GP2: variants seen among roughly 807,000 people sequenced by gnomAD.
The protein encoded by GP2 is pancreatic secretory granule membrane major glycoprotein GP2.
Under a neutral mutation model 60.8 loss-of-function variants are expected in GP2, and 58 were observed. The ratio of observed to expected loss-of-function variants is 0.95; its 90% confidence interval spans 0.77 to 1.19. The LOEUF (loss-of-function observed/expected upper bound fraction) is 1.19. Among genes scored for constraint, GP2 ranks in the 50% most tolerant of loss-of-function variants. GP2 has a pLI of 0.00. For synonymous variants in GP2, 280 were observed against 253.4 expected, an observed-to-expected ratio of 1.10 and a Z score of -1.00; for missense variants, 647 against 667.4, an observed-to-expected ratio of 0.97 and a Z score of 0.34.
Position 20,311,081 on chromosome 16 carries a change from T to G in GP2, c.*142A>C, listed in dbSNP as rs1963980722. On this transcript the variant is annotated 3_prime_UTR_variant, in exon 11 of 11. Coordinates refer to ENST00000302555, the MANE Select transcript of GP2 (RefSeq NM_001502.4). ...CGAGAGTTTTAAAGAAGGTGAAAGC[T>G]CTTCCCTTTTCCTAACCTAGCTTGG... is the stretch of plus-strand genomic sequence containing the variant. 3.3e-6 allele frequency: 2 copies of G among 597,510 alleles called. No homozygotes were observed. Among genetic ancestry groups the G allele is most frequent in the Non-Finnish European group, 6.1e-6 (2 of 326,080 alleles). The allele number at this position is 597,510 out of a possible 1,614,324, so 37.0% of individuals were successfully genotyped here. A position where few individuals can be genotyped will look rare whatever the true frequency, so the allele number is the denominator to read the frequency against.
chr16:20,322,845 T>A, intron 4 of GP2, 24 bp downstream of exon 4: 1 of 1,275,740 alleles, frequency 7.8e-7, no homozygotes, highest in Non-Finnish European at 1.1e-6. Context: ...AGGATGGTAG[T>A]TACTTGCCCA....
chr16:20,324,211 T>A lies in GP2; in HGVS notation c.140A>T (p.Asp47Val). Reference protein sequence around the residue: ...IEASSYGLDLDCGAPGTPEAH... With the variant: ...IEASSYGLDLVCGAPGTPEAH... Reference sequence around the variant, plus strand: ...CTCTGGGGTGCCAGGAGCTCCGCAGTCCAGGTCCAGCCCATACGAACTGGC... The same window carrying A: ...CTCTGGGGTGCCAGGAGCTCCGCAGACCAGGTCCAGCCCATACGAACTGGC... Residue 47 changes from aspartate to valine, a missense_variant, in exon 3 of 11, where the codon GAC becomes GTC. Asp to Val is a radical substitution (Grantham distance 152, BLOSUM62 -3). Transcript: ENST00000302555. The A allele has an allele frequency of 1.2e-6, 2 of 1,613,358 alleles. No individual in the cohort carries two copies. The highest frequency in any genetic ancestry group is 2.2e-5 in the South Asian group (2 of 91,054).
In GP2 at chr16:20,323,990, G is replaced by T. The variant is rs1964453400; in HGVS notation, c.361C>A (p.Leu121Met). 6.2e-7 allele frequency: 1 copy of T among 1,614,072 alleles called. No homozygotes were observed. Among genetic ancestry groups the T allele is most frequent in the Admixed American group, 1.7e-5 (1 of 60,012 alleles). ...HRCQTDAPMW[L>M]NGTHPALGDG... The stretch of plus-strand genomic sequence containing the variant: ...CCAAGGGCAGGGTGGGTCCCATTCA[G>T]CCACATGGGAGCGTCTGTCTGGCAT... The change falls in exon 3 of 11, where the codon CTG becomes ATG. Residue 121 changes from leucine (L) to methionine (M), a missense_variant. Physicochemically the swap from Leu to Met is conservative, Grantham distance 15 (BLOSUM62 2). Coordinates refer to ENST00000302555, the MANE Select transcript of GP2 (RefSeq NM_001502.4).
chr16:20,319,865 C>A (rs1272589511), intron 5 of GP2, 97 bp from the exon 6 acceptor site: 12 of 948,300 alleles, frequency 1.3e-5, no homozygotes, highest in East Asian at 2.4e-5. Flanking sequence ...ATTTGCTTAA[C>A]CATGCAGCCA....
intron 3 of GP2, 22 bp from the exon 4 acceptor site, chr16:20,323,001 GAGA>G (rs779117480): frequency 6.5e-6 from 9 of 1,383,124 alleles, no homozygotes; most frequent in Middle Eastern, 1.8e-4. Context: ...GGCATGGAGA[GAGA>G]AGATCAGGAT....
At chr16:20,324,661 C>T (rs867368699) in intron 2 of GP2, among the ~76,000 whole-genome samples, 3 of 152,250 alleles carry the variant, frequency 2.0e-5, no homozygotes, top group African/African-American at 7.2e-5. Context: ...AAGCCCATCT[C>T]ATCCCCAGAA....
rs374812278 is a variant in GP2 at position 20,310,055 on chromosome 16, T to C, written c.*1168A>G. 5.9e-5 allele frequency: 9 copies of C among 152,324 alleles called. No individual in the cohort carries two copies. The highest frequency in any genetic ancestry group is 1.7e-4 in the African/African-American group (7 of 41,554). 9.4% of individuals were successfully genotyped at this position (152,324 alleles called of 1,614,324 possible). ...GTCAGCATCTATATGCCCGTGAGTATTAATGCCTGTGTATGTGTGATGCCC... is the reference window on the plus strand; with the variant it reads ...GTCAGCATCTATATGCCCGTGAGTACTAATGCCTGTGTATGTGTGATGCCC... On this transcript the variant is annotated 3_prime_UTR_variant, in exon 11 of 11. Coordinates refer to ENST00000302555, the MANE Select transcript of GP2 (RefSeq NM_001502.4).
intron 10 of GP2, 125 bp downstream of exon 10, chr16:20,314,532 G>A (rs1964097287): frequency 1.3e-6 from 1 of 762,946 alleles, no homozygotes; most frequent in African/African-American, 1.7e-5. Context: ...GCATCTCAAA[G>A]GCCAATCTTA....
At chr16:20,313,034 T>G (rs1443047591) in intron 10 of GP2, among the ~76,000 whole-genome samples, 1 of 152,150 alleles carries the variant, frequency 6.6e-6, no homozygotes, top group Non-Finnish European at 1.5e-5. Flanking sequence ...GCACGGAACA[T>G]AGAGAGTCCA....
At chr16:20,313,481 T>C (rs1185972384) in intron 10 of GP2, among the ~76,000 whole-genome samples, 1 of 152,210 alleles carries the variant, frequency 6.6e-6, no homozygotes, top group Non-Finnish European at 1.5e-5. Flanking sequence ...GTCTCACTTG[T>C]GCAATGAATT....
intron 1 of GP2, 97 bp downstream of exon 1, chr16:20,327,370 C>T: frequency 2.2e-6 from 2 of 900,386 alleles, no homozygotes; most frequent in East Asian, 6.2e-5. Context: ...TTGCTGGGTT[C>T]TAAAAATTTC....
chr16:20,315,864 G>T, intron 9 of GP2, 92 bp downstream of exon 9: 1 of 784,334 alleles, frequency 1.3e-6, no homozygotes, highest in Non-Finnish European at 2.3e-6. Context: ...TGGTACAAGA[G>T]CCCTGAGAAG....
chr16:20,314,546 C>A (rs941382605), intron 10 of GP2, 111 bp downstream of exon 10: 1 of 809,486 alleles, frequency 1.2e-6, no homozygotes, highest in South Asian at 1.4e-5. Context: ...AATCTTAGGT[C>A]TGATTAATGT....
chr16:20,322,222 A>T (rs1305564394), intron 4 of GP2, among the ~76,000 whole-genome samples: 6 of 152,188 alleles, frequency 3.9e-5, no homozygotes, highest in African/African-American at 1.4e-4. Context: ...CAAAGGCAAG[A>T]TCAAAGGCCC....
rs1175834411 is a variant in GP2, at chr16:20,309,582, G to T, written c.*1641C>A. The T allele has an allele frequency of 6.6e-6, 1 of 152,156 alleles. No individual in the cohort carries two copies. Among genetic ancestry groups the T allele is most frequent in the African/African-American group, 2.4e-5 (1 of 41,436 alleles). 9.4% of individuals were successfully genotyped at this position (152,156 alleles called of 1,614,324 possible). A position where few individuals can be genotyped will look rare whatever the true frequency, so the allele number is the denominator to read the frequency against. Reference sequence around the variant, plus strand: ...TGAATTAGGAAGTGATGTGAAGCTAGAATGTCCATATTTAATCAAGGGATG... The same window carrying T: ...TGAATTAGGAAGTGATGTGAAGCTATAATGTCCATATTTAATCAAGGGATG... On this transcript the variant is annotated 3_prime_UTR_variant, in exon 11 of 11. Transcript: ENST00000302555.
At chr16:20,326,107 A>G in intron 2 of GP2, 1 of 554,308 alleles carries the variant, frequency 1.8e-6, no homozygotes, top group Non-Finnish European at 3.2e-6. Flanking sequence ...ATGGGAAATT[A>G]TGTTAACTGG....
chr16:20,323,701 C>A, intron 3 of GP2, 115 bp downstream of exon 3: 1 of 686,822 alleles, frequency 1.5e-6, no homozygotes, highest in Admixed American at 2.9e-5. Context: ...GGAGCTGAGT[C>A]GAGGCTGCTC....
In GP2 at chr16:20,317,238, T is replaced by C. The variant is rs1555481974; in HGVS notation, c.1391A>G (p.Asp464Gly). 7.4e-6 allele frequency: 12 copies of C among 1,613,410 alleles called. No individual in the cohort carries two copies. The highest frequency in any genetic ancestry group is 1.0e-5 in the Non-Finnish European group (12 of 1,179,658). ...AGGCTGGCACTGTTCATTAAGAGAATCACAGAGATGAATCTCACAATGCAG... is the reference window on the plus strand; with the variant it reads ...AGGCTGGCACTGTTCATTAAGAGAACCACAGAGATGAATCTCACAATGCAG... ...VFLHCEIHLCDSLNEQCQPSC... is the reference protein window; with the variant it reads ...VFLHCEIHLCGSLNEQCQPSC... Residue 464 changes from aspartate (D) to glycine (G), a missense_variant, in exon 8 of 11, where the codon GAT (aspartate) becomes GGT (glycine). By Grantham distance (94) the Asp-to-Gly change is moderately conservative. Coordinates refer to ENST00000302555, the MANE Select transcript of GP2 (RefSeq NM_001502.4).
chr16:20,318,356 G>C lies in GP2; in HGVS notation c.1082C>G (p.Thr361Arg). 2 of 1,612,484 alleles carry C rather than the reference G, an allele frequency of 1.2e-6. No homozygotes were observed. Among genetic ancestry groups the C allele is most frequent in the Non-Finnish European group, 1.7e-6 (2 of 1,178,520 alleles). ...RMALFQDQNY[T>R]NPYEGDAVEL... is the part of the protein sequence containing the mutation. The stretch of plus-strand genomic sequence containing the variant: ...AACTGCATCCCCTTCGTAAGGATTC[G>C]TGTAGTTCTGGTCTTGGAAGAGGGC... Residue 361 changes from threonine (T) to arginine (R), a missense_variant, in exon 7 of 11, where the codon ACG becomes AGG. By Grantham distance (71) the Thr-to-Arg change is moderately conservative. Coordinates refer to ENST00000302555, the MANE Select transcript of GP2 (RefSeq NM_001502.4).
Sources: gnomAD v4.1 joint callset for allele counts (sites outside exome capture counted in the v4.1 genomes callset) on GRCh38, gnomAD v4.1.1 for gene constraint, MANE v1.5 for transcripts, NCBI Gene and HGNC (gene_info 2026-07-23, HGNC 2026-07-21) for gene names.